Variants in GNA12 observed in about 807,000 individuals in gnomAD.
The protein encoded by GNA12 is guanine nucleotide-binding protein subunit alpha-12.
Under a neutral mutation model 26.0 loss-of-function variants are expected in GNA12, and 9 were observed. The observed-to-expected ratio is 0.35, with a 90% CI of 0.21 to 0.60. The LOEUF (loss-of-function observed/expected upper bound fraction) is 0.60, where lower values mean the gene tolerates loss of function less well. Among genes scored for constraint, GNA12 ranks in the 20% least tolerant of loss-of-function variants. GNA12 has a pLI of 0.78. For synonymous variants in GNA12, 264 were observed against 219.6 expected (o/e 1.20, Z -1.79); for missense variants, 405 against 525.8 (o/e 0.77, Z 2.25).
At chr7:2,735,494 A>G (rs1404648622) in intron 2 of GNA12, among the ~76,000 whole-genome samples, 1 of 152,180 alleles carries the variant, frequency 6.6e-6, no homozygotes, top group African/African-American at 2.4e-5. Context: ...CGCAAGGGGA[A>G]AAGCACCACA....
intron 1 of GNA12, among the ~76,000 whole-genome samples, chr7:2,837,253 C>T (rs1778864391): frequency 6.6e-6 from 1 of 152,172 alleles, no homozygotes; most frequent in African/African-American, 2.4e-5. Flanking sequence ...TGTCGCTTTG[C>T]TACCCCCTCC....
intron 2 of GNA12, among the ~76,000 whole-genome samples, chr7:2,774,394 G>A (rs1162240250): frequency 6.6e-6 from 1 of 152,198 alleles, no homozygotes; most frequent in African/African-American, 2.4e-5. Flanking sequence ...AAGATTTCAT[G>A]AAGATAACAT....
Position 2,729,819 on chromosome 7 carries a change from G to A in GNA12, c.*1362C>T, listed in dbSNP as rs547903462. 6.6e-6 allele frequency: 1 copy of A among 152,542 alleles called. No individual in the cohort carries two copies. Among genetic ancestry groups the A allele is most frequent in the Non-Finnish European group, 1.5e-5 (1 of 68,074 alleles). The allele number at this position is 152,542 out of a possible 1,614,324, so 9.4% of individuals were successfully genotyped here. On this transcript the variant is annotated 3_prime_UTR_variant, in exon 4 of 4. Coordinates refer to ENST00000275364, the MANE Select transcript of GNA12 (RefSeq NM_007353.3). ...ATTTCTCAGTAGAGTGATACACAGA[G>A]GGGACCAGCTTGGAATGCAATGTAT...
intron 1 of GNA12, among the ~76,000 whole-genome samples, chr7:2,831,548 C>A (rs1206160927): frequency 1.3e-5 from 2 of 151,834 alleles, no homozygotes; most frequent in Admixed American, 6.6e-5. Context: ...GGACTACAGG[C>A]GCCTGCCACC....
At chr7:2,797,864 T>C (rs577068803) in intron 1 of GNA12, among the ~76,000 whole-genome samples, 33 of 152,268 alleles carry the variant, frequency 2.2e-4, no homozygotes, top group African/African-American at 7.7e-4. Context: ...AAACAAACTT[T>C]AAGAAGCAGT....
chr7:2,739,873 G>T (rs543825630), intron 2 of GNA12, among the ~76,000 whole-genome samples: 3 of 152,028 alleles, frequency 2.0e-5, no homozygotes, highest in Non-Finnish European at 4.4e-5. Flanking sequence ...GGGTTTCACC[G>T]TGTTGGCCAG....
At chr7:2,754,215 T>C (rs373809488) in intron 2 of GNA12, among the ~76,000 whole-genome samples, 1 of 152,214 alleles carries the variant, frequency 6.6e-6, no homozygotes, top group African/African-American at 2.4e-5. Context: ...TCTCCCTTAA[T>C]TGGCAGTGAC....
intron 1 of GNA12, among the ~76,000 whole-genome samples, chr7:2,827,574 A>G (rs1199568261): frequency 6.6e-6 from 1 of 152,184 alleles, no homozygotes; most frequent in Non-Finnish European, 1.5e-5. Flanking sequence ...TGGCTTCTGC[A>G]TAACCACGCT....
intron 2 of GNA12, chr7:2,763,150 T>C: frequency 8.3e-7 from 1 of 1,201,018 alleles, no homozygotes; most frequent in Non-Finnish European, 1.0e-6. Flanking sequence ...TTCTCGAATA[T>C]TCTGCTGACA....
rs568062753 is a variant in GNA12, at chr7:2,764,220, G to T, written c.525+30708C>A. ...CCTGAGTAGCTGGGACCACGGGCAC[G>T]TGCCACCTATCCCCAGCTAATTTCT... On this transcript the variant is annotated intron_variant, in intron 2 of 3. Coordinates refer to ENST00000275364, the MANE Select transcript of GNA12 (RefSeq NM_007353.3). Among the ~76,000 whole-genome samples the T allele has an allele frequency of 9.7e-4, 147 of 151,008 alleles. 1 individual carries two copies. The highest frequency in any genetic ancestry group is 3.5e-3 in the African/African-American group (146 of 41,138).
intron 2 of GNA12, among the ~76,000 whole-genome samples, chr7:2,748,448 G>C (rs953914335): frequency 6.6e-6 from 1 of 152,082 alleles, no homozygotes. Context: ...GGGAAAACTG[G>C]CTAGCCATAT....
chr7:2,763,815 G>A (rs754342686), intron 2 of GNA12, among the ~76,000 whole-genome samples: 11 of 152,158 alleles, frequency 7.2e-5, no homozygotes, highest in South Asian at 2.1e-4. Flanking sequence ...AGGCGAGGCC[G>A]GGACCTCTGC....
chr7:2,762,862 A>G (rs1051532291), intron 2 of GNA12: 4 of 1,460,456 alleles, frequency 2.7e-6, no homozygotes, highest in Admixed American at 2.5e-5. Flanking sequence ...GGAGAGGGCC[A>G]GCTCCGAGCC....
intron 1 of GNA12, among the ~76,000 whole-genome samples, chr7:2,816,973 A>G (rs1340664766): frequency 6.6e-6 from 1 of 151,986 alleles, no homozygotes; most frequent in Non-Finnish European, 1.5e-5. Flanking sequence ...ATTCTTGCCC[A>G]CTTCCACCTC....
intron 1 of GNA12, among the ~76,000 whole-genome samples, chr7:2,829,847 G>T (rs1220718487): frequency 5.3e-5 from 8 of 152,114 alleles, no homozygotes; most frequent in Admixed American, 5.2e-4. Context: ...TTTCTACCTG[G>T]TTTGTCTTCT....
At chr7:2,802,860 G>C (rs766815135) in intron 1 of GNA12, among the ~76,000 whole-genome samples, 4 of 152,216 alleles carry the variant, frequency 2.6e-5, no homozygotes, top group Non-Finnish European at 4.4e-5. Context: ...TTAGTGTAAA[G>C]GTCAGCGAGA....
intron 2 of GNA12, among the ~76,000 whole-genome samples, chr7:2,786,119 G>A (rs1294727301): frequency 1.3e-5 from 2 of 152,146 alleles, no homozygotes; most frequent in Non-Finnish European, 2.9e-5. Context: ...GGTGGGAGAT[G>A]GTTCTGTATT....
rs924965749 is a variant in GNA12 at position 2,768,666 on chromosome 7, T to TA, written c.525+26261dup. On this transcript the variant is annotated intron_variant, in intron 2 of 3. Coordinates refer to ENST00000275364, the MANE Select transcript of GNA12 (RefSeq NM_007353.3). ...GTAACAGGTGAATATGCTCTCAAGG[T>TA]AAAAAAAAAACAAAACAAAACAAAA... Among the ~76,000 whole-genome samples the TA allele has an allele frequency of 7.8e-3, 715 of 91,626 alleles. 10 individuals are homozygous for TA. The highest frequency in any genetic ancestry group is 0.021 in the African/African-American group (588 of 27,950). 60.1% of individuals were successfully genotyped at this position (91,626 alleles called of 152,430 possible).
At chr7:2,750,278 G>A (rs1292006876) in intron 2 of GNA12, among the ~76,000 whole-genome samples, 2 of 152,152 alleles carry the variant, frequency 1.3e-5, no homozygotes, top group African/African-American at 4.8e-5. Context: ...ACACACTGCT[G>A]CCCCCAAACT....
Sources: gnomAD v4.1 joint callset for allele counts (sites outside exome capture counted in the v4.1 genomes callset) on GRCh38, gnomAD v4.1.1 for gene constraint, MANE v1.5 for transcripts, NCBI Gene and HGNC (gene_info 2026-07-23, HGNC 2026-07-21) for gene names.